HNRNPLL: variants seen among roughly 807,000 people sequenced by gnomAD.
The protein encoded by HNRNPLL is heterogeneous nuclear ribonucleoprotein L-like.
Under a neutral mutation model 67.1 loss-of-function variants are expected in HNRNPLL, and 25 were observed. That is an observed-to-expected ratio of 0.37 (90% CI 0.27 to 0.52). The LOEUF is 0.52. Ranked by LOEUF, HNRNPLL falls within the 20% of genes least tolerant of loss-of-function variation. The pLI is 0.90. For missense variants in HNRNPLL, 542 were observed against 673.9 expected (o/e 0.80, Z 2.17); for synonymous variants, 267 against 241.7 (o/e 1.10, Z -0.97).
At chr2:38,591,141 C>A (rs919074484) in intron 2 of HNRNPLL, among the ~76,000 whole-genome samples, 2 of 152,088 alleles carry the variant, frequency 1.3e-5, no homozygotes, top group African/African-American at 2.4e-5. Context: ...AAATCAAGAA[C>A]AACAAAAAAA....
At chr2:38,572,089 G>A (rs1167494081) in intron 8 of HNRNPLL, among the ~76,000 whole-genome samples, 1 of 152,074 alleles carries the variant, frequency 6.6e-6, no homozygotes, top group African/African-American at 2.4e-5. Flanking sequence ...TAACACTTGG[G>A]CCTAAGATAG....
chr2:38,569,738 C>G (rs1665999016), intron 9 of HNRNPLL, 66 bp downstream of exon 9: 1 of 828,290 alleles, frequency 1.2e-6, no homozygotes. Flanking sequence ...ACATTAATGT[C>G]TCTAATAAAA....
intron 2 of HNRNPLL, among the ~76,000 whole-genome samples, chr2:38,588,545 T>TAAAAAA (rs1666823356): frequency 3.2e-5 from 1 of 31,596 alleles, no homozygotes; most frequent in African/African-American, 3.7e-4. Context: ...AAACTCCATC[T>TAAAAAA]CAAAAAAAAA....
At chr2:38,571,187 T>G (rs867453850) in intron 8 of HNRNPLL, among the ~76,000 whole-genome samples, 15 of 152,134 alleles carry the variant, frequency 9.9e-5, no homozygotes, top group African/African-American at 3.6e-4. Context: ...TGTACATACA[T>G]ACCTATGATA....
At chr2:38,599,616 TTTTA>T (rs1476405692) in intron 1 of HNRNPLL, among the ~76,000 whole-genome samples, 1 of 152,166 alleles carries the variant, frequency 6.6e-6, no homozygotes, top group Non-Finnish European at 1.5e-5. Context: ...TTGAAGGGTG[TTTTA>T]TTTCTCATAT....
Position 38,585,682 on chromosome 2 carries a change from G to A in HNRNPLL, c.508C>T (p.Leu170=). ...TAAAGCGGATTCTGAATTGAGAGCA[G>A]AAGAACTTTGTTGCCTCCTGATGGA... is the stretch of plus-strand genomic sequence containing the variant. ...DDPSGGNKVL[L]LSIQNPLYPI... The change falls in exon 3 of 13, where the codon CTG becomes TTG. Residue 170 remains leucine, a synonymous_variant. Transcript: ENST00000449105. 1 of 1,611,214 alleles carries A rather than the reference G, an allele frequency of 6.2e-7. No homozygotes were observed. Among genetic ancestry groups the A allele is most frequent in the African/African-American group, 1.3e-5 (1 of 74,992 alleles).
intron 1 of HNRNPLL, chr2:38,601,462 T>C (rs1248787782): frequency 6.6e-6 from 1 of 152,236 alleles, no homozygotes; most frequent in Non-Finnish European, 1.5e-5. Flanking sequence ...ATTCATGTGT[T>C]AAATGTTTAA....
At position 38,602,904 on chromosome 2, in the gene HNRNPLL, T is replaced by G. The variant is rs778326900; in HGVS notation, c.-278A>C. ...CTCCTCCTCCTCCGTCTCCGCTCCC[T>G]GCCCGGAGGAGCGAATCTAAGGATG... On this transcript the variant is annotated 5_prime_UTR_variant, in exon 1 of 13. Transcript: ENST00000449105. 8 of 1,534,928 alleles carry G rather than the reference T, an allele frequency of 5.2e-6. No individual in the cohort carries two copies. Among genetic ancestry groups the G allele is most frequent in the South Asian group, 2.4e-5 (2 of 83,554 alleles).
At chr2:38,566,899 A>T (rs1363168456) in intron 12 of HNRNPLL, among the ~76,000 whole-genome samples, 2 of 152,182 alleles carry the variant, frequency 1.3e-5, no homozygotes, top group African/African-American at 2.4e-5. Flanking sequence ...TTACAATAAC[A>T]GAAAAAAACA....
intron 7 of HNRNPLL, among the ~76,000 whole-genome samples, chr2:38,575,993 C>T (rs1666287329): frequency 6.6e-6 from 1 of 151,670 alleles, no homozygotes; most frequent in Non-Finnish European, 1.5e-5. Context: ...ATGGATACCC[C>T]CCTACATAAT....
At chr2:38,584,885 CAT>C (rs1666663665) in intron 3 of HNRNPLL, among the ~76,000 whole-genome samples, 1 of 151,954 alleles carries the variant, frequency 6.6e-6, no homozygotes, top group African/African-American at 2.4e-5. Context: ...AGATTAGTTA[CAT>C]GTTTTCCCAA....
intron 12 of HNRNPLL, among the ~76,000 whole-genome samples, chr2:38,564,663 A>C (rs1424427030): frequency 6.6e-6 from 1 of 151,160 alleles, no homozygotes; most frequent in African/African-American, 2.4e-5. Context: ...AAAGTAAGGG[A>C]AAGATTTTTA....
intron 7 of HNRNPLL, 87 bp from the exon 8 acceptor site, chr2:38,573,514 C>CA: frequency 1.2e-6 from 1 of 834,688 alleles, no homozygotes; most frequent in Admixed American, 2.6e-5. Context: ...GCACCACACA[C>CA]AAAAAATAAA....
chr2:38,599,000 T>C (rs923681964), intron 1 of HNRNPLL, among the ~76,000 whole-genome samples: 3 of 152,244 alleles, frequency 2.0e-5, no homozygotes, highest in Non-Finnish European at 4.4e-5. Flanking sequence ...AAACTTCTCC[T>C]GTGAGAGCTA....
At chr2:38,586,538 T>C (rs947664420) in intron 2 of HNRNPLL, among the ~76,000 whole-genome samples, 28 of 152,180 alleles carry the variant, frequency 1.8e-4, no homozygotes, top group African/African-American at 6.8e-4. Flanking sequence ...CAACAGAAGG[T>C]TGGCAGACAG....
At chr2:38,583,053 C>G (rs1016772993) in intron 4 of HNRNPLL, among the ~76,000 whole-genome samples, 9 of 152,154 alleles carry the variant, frequency 5.9e-5, no homozygotes, top group Admixed American at 5.2e-4. Flanking sequence ...AGATTTTACT[C>G]TTTAAGAAGA....
intron 2 of HNRNPLL, among the ~76,000 whole-genome samples, chr2:38,586,263 C>T (rs796119013): frequency 2.0e-5 from 3 of 152,202 alleles, no homozygotes; most frequent in African/African-American, 4.8e-5. Context: ...CCTCGTGATC[C>T]GCCCACCTCG....
At chr2:38,566,396 A>G (rs1191898504) in intron 12 of HNRNPLL, among the ~76,000 whole-genome samples, 4 of 148,116 alleles carry the variant, frequency 2.7e-5, no homozygotes, top group Admixed American at 6.7e-5. Flanking sequence ...AAAAAAAACC[A>G]AAAAGGCCAT....
At position 38,569,440 on chromosome 2, in the gene HNRNPLL, A is replaced by G. The variant is rs1665987198; in HGVS notation, c.1215-106T>C. 3.5e-5 allele frequency: 25 copies of G among 721,974 alleles called. No individual in the cohort carries two copies. The South Asian group carries it at 4.4e-4, about 13-fold the overall frequency. The allele number at this position is 721,974 out of a possible 1,614,324, so 44.7% of individuals were successfully genotyped here. A position where few individuals can be genotyped will look rare whatever the true frequency, so the allele number is the denominator to read the frequency against. On this transcript the variant is annotated intron_variant, in intron 9 of 12. Coordinates refer to ENST00000449105, the MANE Select transcript of HNRNPLL (RefSeq NM_138394.4). ...TTGCTTGCATAAATCTTAACCAAAA[A>G]AAGGCATACATAGAGCTATTTAAAT...
Sources: allele counts gnomAD v4.1 joint callset (sites outside exome capture counted in the v4.1 genomes callset), GRCh38; gene constraint gnomAD v4.1.1; transcripts MANE v1.5; gene names NCBI Gene and HGNC (gene_info 2026-07-23, HGNC 2026-07-21).